Variants in PLPPR5 observed in about 807,000 individuals in gnomAD.
The protein encoded by PLPPR5 is phospholipid phosphatase-related protein type 5.
A neutral mutation model predicts 33.9 loss-of-function variants in PLPPR5; 16 were observed. That is an observed-to-expected ratio of 0.47 (90% confidence interval 0.32 to 0.72). The LOEUF (loss-of-function observed/expected upper bound fraction) is 0.72, where lower values mean the gene tolerates loss of function less well. Ranked by LOEUF, PLPPR5 falls within the 30% of genes least tolerant of loss-of-function variation. PLPPR5 has a pLI of 0.03. For synonymous variants in PLPPR5, 163 were observed against 150.3 expected (o/e 1.08, Z -0.62); for missense variants, 301 against 406.7 (o/e 0.74, Z 2.23).
Position 99,004,449 on chromosome 1 carries a change from C to T in PLPPR5, c.223G>A (p.Val75Ile), listed in dbSNP as rs773727522. Residue 75 changes from valine to isoleucine, a missense_variant, in exon 1 of 6, where the codon GTC becomes ATC. Physicochemically the swap from Val to Ile is conservative, Grantham distance 29 (BLOSUM62 3). Transcript: ENST00000263177. ...CCCGGGCTTACCACGAGCACGGGGA[C>T]CCCGGCGGCCAGCGAGTAGAGGAGC... The part of the protein sequence containing the change: ...PVLLYSLAAG[V>I]PVLVIIVGET... 3.1e-6 allele frequency: 5 copies of T among 1,605,290 alleles called. No homozygotes were observed. The highest frequency in any genetic ancestry group is 1.7e-5 in the Admixed American group (1 of 59,092).
At chr1:98,985,885 AT>A (rs1256606280) in intron 1 of PLPPR5, among the ~76,000 whole-genome samples, 1 of 152,014 alleles carries the variant, frequency 6.6e-6, no homozygotes, top group African/African-American at 2.4e-5. Context: ...CTAACAATAC[AT>A]TTGTCAGAAA....
At chr1:98,924,153 C>A (rs1023185745) in intron 3 of PLPPR5, among the ~76,000 whole-genome samples, 2 of 152,134 alleles carry the variant, frequency 1.3e-5, no homozygotes, top group Non-Finnish European at 2.9e-5. Context: ...TGAGTGATTG[C>A]TCTTCACGGC....
At chr1:98,965,694 G>C (rs1293007579) in intron 1 of PLPPR5, among the ~76,000 whole-genome samples, 1 of 152,182 alleles carries the variant, frequency 6.6e-6, no homozygotes, top group Non-Finnish European at 1.5e-5. Flanking sequence ...ACTAGGAAGA[G>C]AAAATCGCTG....
At chr1:98,948,950 T>C (rs309077) in intron 3 of PLPPR5, among the ~76,000 whole-genome samples, 86,561 of 151,964 alleles carry the variant, frequency 0.57, 25,346 homozygotes, top group East Asian at 0.72. Flanking sequence ...CCCTTTTTCC[T>C]TGACATTTTC....
At chr1:98,924,865 G>A (rs1047900226) in intron 3 of PLPPR5, among the ~76,000 whole-genome samples, 1 of 152,204 alleles carries the variant, frequency 6.6e-6, no homozygotes, top group Non-Finnish European at 1.5e-5. Flanking sequence ...CTCCATCAGA[G>A]TGGAGAGTGG....
intron 1 of PLPPR5, among the ~76,000 whole-genome samples, chr1:98,986,275 T>TTAGTAAACA (rs1419411345): frequency 6.6e-6 from 1 of 151,888 alleles, no homozygotes. Context: ...TTTAGGTATG[T>TTAGTAAACA]TAGTAAACAT....
At chr1:98,977,849 G>A (rs550511443) in intron 1 of PLPPR5, among the ~76,000 whole-genome samples, 4 of 151,860 alleles carry the variant, frequency 2.6e-5, no homozygotes, top group South Asian at 4.2e-4. Context: ...AGTAAATGGC[G>A]CTTTAGAAAA....
At chr1:98,976,547 G>GA (rs1009498943) in intron 1 of PLPPR5, among the ~76,000 whole-genome samples, 2 of 151,688 alleles carry the variant, frequency 1.3e-5, no homozygotes, top group Admixed American at 6.6e-5. Flanking sequence ...TAATTAGCCA[G>GA]AAAAAAAATC....
At position 99,004,787 on chromosome 1, in the gene PLPPR5, G is replaced by A. The variant is rs1429475178; in HGVS notation, c.-116C>T. 3 of 513,040 alleles carry A rather than the reference G, an allele frequency of 5.8e-6. No homozygotes were observed. The East Asian group carries it at 1.6e-4, about 28-fold the overall frequency. The allele number at this position is 513,040 out of a possible 1,614,324, so 31.8% of individuals were successfully genotyped here. The stretch of plus-strand genomic sequence containing the variant: ...GCGGCGGCGGAGGCGGCGGGAGGAC[G>A]AGGCACGGGAGGCGGGATGGAGCCG... On this transcript the variant is annotated 5_prime_UTR_variant, in exon 1 of 6. Transcript: ENST00000263177.
intron 1 of PLPPR5, among the ~76,000 whole-genome samples, chr1:99,001,671 G>GAGATATATAT (rs1553173331): frequency 9.6e-4 from 98 of 102,182 alleles, no homozygotes; most frequent in Middle Eastern, 5.2e-3. Context: ...GAAAGTTAAA[G>GAGATATATAT]ATATATATAT....
chr1:98,935,899 G>A (rs939793158), intron 3 of PLPPR5, among the ~76,000 whole-genome samples: 7 of 152,006 alleles, frequency 4.6e-5, no homozygotes, highest in East Asian at 3.9e-4. Context: ...AGAGACATTC[G>A]CCACCCAGAA....
chr1:98,947,510 C>T (rs1303763083), intron 3 of PLPPR5, among the ~76,000 whole-genome samples: 1 of 152,144 alleles, frequency 6.6e-6, no homozygotes, highest in Non-Finnish European at 1.5e-5. Context: ...AACTGCAAAA[C>T]AGCATTATTA....
intron 3 of PLPPR5, among the ~76,000 whole-genome samples, chr1:98,937,967 G>A (rs956252680): frequency 6.6e-6 from 1 of 152,022 alleles, no homozygotes; most frequent in Non-Finnish European, 1.5e-5. Flanking sequence ...ATTACACATG[G>A]AAATTAATTC....
intron 3 of PLPPR5, among the ~76,000 whole-genome samples, chr1:98,926,115 A>G (rs1186827742): frequency 6.6e-6 from 1 of 152,134 alleles, no homozygotes; most frequent in Non-Finnish European, 1.5e-5. Flanking sequence ...GTATTCTTTT[A>G]CTGTTCGCCT....
At chr1:98,894,705 T>C (rs888685733) in intron 5 of PLPPR5, among the ~76,000 whole-genome samples, 3 of 152,092 alleles carry the variant, frequency 2.0e-5, no homozygotes, top group African/African-American at 7.2e-5. Context: ...GGCCTCAGGG[T>C]TCCCATTGTT....
rs954766622 is a variant in PLPPR5, at chr1:99,004,779, G to A, written c.-108C>T. 1 of 602,382 alleles carries A rather than the reference G, an allele frequency of 1.7e-6. No homozygotes were observed. Among genetic ancestry groups the A allele is most frequent in the Non-Finnish European group, 2.4e-6 (1 of 423,446 alleles). The allele number at this position is 602,382 out of a possible 1,614,324, so 37.3% of individuals were successfully genotyped here. The stretch of plus-strand genomic sequence containing the variant: ...CCGGGGGCGCGGCGGCGGAGGCGGC[G>A]GGAGGACGAGGCACGGGAGGCGGGA... On this transcript the variant is annotated 5_prime_UTR_variant, in exon 1 of 6. Coordinates refer to ENST00000263177, the MANE Select transcript of PLPPR5 (RefSeq NM_001037317.2).
intron 1 of PLPPR5, among the ~76,000 whole-genome samples, chr1:99,000,811 T>A (rs1652811270): frequency 6.6e-6 from 1 of 152,246 alleles, no homozygotes; most frequent in Non-Finnish European, 1.5e-5. Flanking sequence ...GCGGTATGTT[T>A]ATCTAATTTC....
At chr1:99,003,556 C>T (rs1652948151) in intron 1 of PLPPR5, among the ~76,000 whole-genome samples, 1 of 152,076 alleles carries the variant, frequency 6.6e-6, no homozygotes, top group South Asian at 2.1e-4. Context: ...AAATATGTAG[C>T]ATATTCACAT....
Position 98,892,888 on chromosome 1 carries a change from A to C in PLPPR5, c.*184T>G, listed in dbSNP as rs1648326973. On this transcript the variant is annotated 3_prime_UTR_variant, in exon 6 of 6. Coordinates refer to ENST00000263177, the MANE Select transcript of PLPPR5 (RefSeq NM_001037317.2). ...CTGGGGACACAGAAAAAAAAAGACA[A>C]TCCTGCCCTCGAGGAGCTCACAGTC... 2 of 596,476 alleles carry C rather than the reference A, an allele frequency of 3.4e-6. No individual in the cohort carries two copies. The highest frequency in any genetic ancestry group is 5.8e-6 in the Non-Finnish European group (2 of 347,186). The allele number at this position is 596,476 out of a possible 1,614,324, so 36.9% of individuals were successfully genotyped here.
Sources: gnomAD v4.1 joint callset for allele counts (sites outside exome capture counted in the v4.1 genomes callset) on GRCh38, gnomAD v4.1.1 for gene constraint, MANE v1.5 for transcripts, NCBI Gene and HGNC (gene_info 2026-07-23, HGNC 2026-07-21) for gene names.